The following GBP5 variants were observed in gnomAD, a reference collection of about 807,000 sequenced individuals.
GBP5 encodes the protein guanylate-binding protein 5.
Under a neutral mutation model 58.2 loss-of-function variants are expected in GBP5, and 48 were observed. The ratio of observed to expected loss-of-function variants is 0.83; its 90% CI spans 0.65 to 1.05. GBP5 has a LOEUF of 1.05. Ranked by LOEUF, GBP5 falls within the 50% of genes least tolerant of loss-of-function variation. The pLI, the probability that GBP5 is intolerant of heterozygous loss-of-function variation, is 0.00. For missense variants in GBP5, 714 were observed against 686.8 expected (o/e 1.04, Z -0.44); for synonymous variants, 248 against 251.8 (o/e 0.98, Z 0.14).
At chr1:89,266,623 A>C in intron 6 of GBP5, 35 bp from the exon 7 acceptor site, 1 of 1,560,560 alleles carries the variant, frequency 6.4e-7, no homozygotes, top group Non-Finnish European at 8.7e-7. Context: ...TTTAGCATAG[A>C]CTTTGCACTC....
intron 3 of GBP5, among the ~76,000 whole-genome samples, chr1:89,269,081 T>C (rs1172029274): frequency 6.6e-6 from 1 of 152,120 alleles, no homozygotes; most frequent in African/African-American, 2.4e-5. Flanking sequence ...TGCTAGTTTA[T>C]AATTATGTAT....
At position 89,266,734 on chromosome 1, in the gene GBP5, C is replaced by T. The variant is rs1650236513; in HGVS notation, c.626-146G>A. On this transcript the variant is annotated intron_variant, in intron 6 of 11. Coordinates refer to ENST00000370459, the MANE Select transcript of GBP5 (RefSeq NM_052942.5). ...AGTAAAAAGCAAAATGGTAACTAAT[C>T]AGGGAAAGTAAAAAAGAAAATTTGT... 23 of 829,434 alleles carry T rather than the reference C, an allele frequency of 2.8e-5. No individual in the cohort carries two copies. In the South Asian group the frequency reaches 4.6e-4, roughly 17 times the overall value. 51.4% of individuals were successfully genotyped at this position (829,434 alleles called of 1,614,324 possible). A position where few individuals can be genotyped will look rare whatever the true frequency, so the allele number is the denominator to read the frequency against.
chr1:89,267,255 C>G, intron 5 of GBP5, 102 bp from the exon 6 acceptor site: 2 of 1,069,054 alleles, frequency 1.9e-6, no homozygotes, highest in Non-Finnish European at 2.7e-6. Flanking sequence ...CGAGTCTTAA[C>G]CAAATCATCA....
chr1:89,263,229 T>C (rs569430150), intron 9 of GBP5: 1 of 163,814 alleles, frequency 6.1e-6, no homozygotes, highest in South Asian at 1.6e-4. Flanking sequence ...TTTATTGTCA[T>C]GTGGGGTGAG....
rs755558615 is a variant in GBP5, at chr1:89,266,539, C to T, written c.675G>A (p.Gln225=). Residue 225 remains glutamine (Q), a synonymous_variant, in exon 7 of 12, where the codon CAG becomes CAA. Coordinates refer to ENST00000370459, the MANE Select transcript of GBP5 (RefSeq NM_052942.5). ...QNFNLPRLCI[Q]KFFPKKKCFI... Reference sequence around the variant, plus strand: ...AGCATTTCTTTTTTGGAAAGAACTTCTGTATACACAGACGGGGCAAATTGA... The same window carrying T: ...AGCATTTCTTTTTTGGAAAGAACTTTTGTATACACAGACGGGGCAAATTGA... 1.2e-6 allele frequency: 2 copies of T among 1,613,580 alleles called. No homozygotes were observed. Among genetic ancestry groups the T allele is most frequent in the Non-Finnish European group, 1.7e-6 (2 of 1,179,542 alleles).
Position 89,262,708 on chromosome 1 carries a change from G to A in GBP5, c.1440C>T (p.Leu480=). The change falls in exon 10 of 12, where the codon CTC becomes CTT. Residue 480 remains leucine, a synonymous_variant. Transcript: ENST00000370459. ...SHAILQTDQA[L]TETEKKKKEA... is the part of the protein sequence containing the mutation. ...CTTTCTTCTTTTTTTCCGTCTCTGT[G>A]AGAGCCTGGTCAGTCTGTAATATTG... is the stretch of plus-strand genomic sequence containing the variant. 6.2e-7 allele frequency: 1 copy of A among 1,606,982 alleles called. No individual in the cohort carries two copies. The highest frequency in any genetic ancestry group is 8.5e-7 in the Non-Finnish European group (1 of 1,175,126).
chr1:89,268,970 A>T, intron 3 of GBP5, 114 bp from the exon 4 acceptor site: 1 of 1,042,940 alleles, frequency 9.6e-7, no homozygotes, highest in African/African-American at 1.6e-5. Flanking sequence ...CAGAATGTAC[A>T]ACCAGTATTG....
Position 89,262,801 on chromosome 1 carries a change from A to C in GBP5, c.1363-16T>G. On this transcript the variant is annotated splice_polypyrimidine_tract_variant and intron_variant, in intron 9 of 11. Transcript: ENST00000370459. ...CTTCTTCAGCCTAGCAACCCGGAAA[A>C]CATGCAGTTAGATGCAGGAAATGGT... is the stretch of plus-strand genomic sequence containing the variant. 6.9e-7 allele frequency: 1 copy of C among 1,442,492 alleles called. No individual in the cohort carries two copies. Among genetic ancestry groups the C allele is most frequent in the Non-Finnish European group, 9.5e-7 (1 of 1,057,494 alleles). The allele number at this position is 1,442,492 out of a possible 1,614,324, so 89.4% of individuals were successfully genotyped here.
At position 89,259,280 on chromosome 1, in the gene GBP5, G is replaced by A. The variant is rs771560038; in HGVS notation, c.*1424C>T. 1.3e-5 allele frequency: 2 copies of A among 152,056 alleles called. No homozygotes were observed. Among genetic ancestry groups the A allele is most frequent in the African/African-American group, 4.8e-5 (2 of 41,408 alleles). The allele number at this position is 152,056 out of a possible 1,614,324, so 9.4% of individuals were successfully genotyped here. A position where few individuals can be genotyped will look rare whatever the true frequency, so the allele number is the denominator to read the frequency against. On this transcript the variant is annotated 3_prime_UTR_variant, in exon 12 of 12. Coordinates refer to ENST00000370459, the MANE Select transcript of GBP5 (RefSeq NM_052942.5). ...GGTGAGGGTGAACAGAAAAGAAAAG[G>A]CTTCTTCTTTAGCCCTTAAGCCTAT...
intron 4 of GBP5, among the ~76,000 whole-genome samples, chr1:89,267,938 G>A (rs1650291763): frequency 6.6e-6 from 1 of 152,126 alleles, no homozygotes; most frequent in African/African-American, 2.4e-5. Context: ...CCATTTTGTA[G>A]GTAAGGAAAC....
rs1384658525 is a variant in GBP5, at chr1:89,264,764, G to T, written c.1071C>A (p.Thr357=). Residue 357 remains threonine, a synonymous_variant, in exon 8 of 12, where the codon ACC becomes ACA. Coordinates refer to ENST00000370459, the MANE Select transcript of GBP5 (RefSeq NM_052942.5). ...AGACTTCAATGGCCTCCCTCTCACT[G>T]GTCCTGTGCAGGTCCAGCAGCTCCT... ...TLQELLDLHR[T]SEREAIEVFM... The T allele has an allele frequency of 1.4e-5, 23 of 1,614,012 alleles. No homozygotes were observed. The highest frequency in any genetic ancestry group is 1.7e-5 in the Non-Finnish European group (20 of 1,180,020).
chr1:89,269,237 C>A, intron 3 of GBP5, 129 bp downstream of exon 3: 2 of 873,534 alleles, frequency 2.3e-6, no homozygotes, highest in South Asian at 1.9e-5. Context: ...ATAAAAAGAC[C>A]AGCTGTAGCC....
intron 11 of GBP5, 39 bp downstream of exon 11, chr1:89,262,181 C>A (rs1317833452): frequency 6.3e-7 from 1 of 1,594,766 alleles, no homozygotes; most frequent in Non-Finnish European, 8.6e-7. Context: ...ATACTCTCAT[C>A]GTTACAGGCA....
rs748992424 is a variant in GBP5, at chr1:89,266,349, A to T, written c.865T>A (p.Ser289Thr). 1 of 1,612,106 alleles carries T rather than the reference A, an allele frequency of 6.2e-7. No homozygotes were observed. The highest frequency in any genetic ancestry group is 1.1e-5 in the South Asian group (1 of 90,968). The change falls in exon 7 of 12, where the codon TCT (serine) becomes ACT (threonine). Residue 289 changes from serine (S) to threonine (T), a missense_variant. Coordinates refer to ENST00000370459, the MANE Select transcript of GBP5 (RefSeq NM_052942.5). ...TLPGGIMVNG[S>T]RLKNLVLTYV... ...AAATCCTAAAAATAATACTCACGAG[A>T]TCCATTGACCATGATGCCACCTGGA...
rs751949710 is a variant in GBP5, at chr1:89,266,389, A to G, written c.825T>C (p.Ser275=). The G allele has an allele frequency of 1.9e-6, 3 of 1,613,628 alleles. No homozygotes were observed. The highest frequency in any genetic ancestry group is 2.5e-6 in the Non-Finnish European group (3 of 1,179,484). Residue 275 remains serine, a synonymous_variant, in exon 7 of 12, where the codon TCT becomes TCC. Transcript: ENST00000370459. Reference sequence around the variant, plus strand: ...TGCCACCTGGAAGAGTCTTGGTCATAGAATGGCTAAAGATGTAGGAACAGA... The same window carrying G: ...TGCCACCTGGAAGAGTCTTGGTCATGGAATGGCTAAAGATGTAGGAACAGA... The part of the protein sequence containing the change: ...TEFCSYIFSH[S]MTKTLPGGIM...
chr1:89,267,161 G>C lies in GBP5; in HGVS notation c.429-8C>G. The C allele has an allele frequency of 6.4e-7, 1 of 1,571,802 alleles. No individual in the cohort carries two copies. The highest frequency in any genetic ancestry group is 1.2e-5 in the South Asian group (1 of 84,884). ...GTCAGTTCTGTCACATTGCTGAGAT[G>C]CAATTAAAGAAAACTGGCAGAAATA... On this transcript the variant is annotated splice_region_variant and splice_polypyrimidine_tract_variant and intron_variant, in intron 5 of 11. Transcript: ENST00000370459.
At chr1:89,267,315 C>T in intron 5 of GBP5, 102 bp downstream of exon 5, 1 of 1,008,716 alleles carries the variant, frequency 9.9e-7, no homozygotes, top group South Asian at 1.4e-5. Context: ...CAATGTTTAT[C>T]ACGTTTCCAT....
In GBP5 at chr1:89,259,464, T is replaced by C. The variant is rs1187553202; in HGVS notation, c.*1240A>G. On this transcript the variant is annotated 3_prime_UTR_variant, in exon 12 of 12. Coordinates refer to ENST00000370459, the MANE Select transcript of GBP5 (RefSeq NM_052942.5). ...CCACAGAATAGCAGCCTCCACCCAG[T>C]TGAAAGCTGCACATTGTTTCCACTT... 2.0e-5 allele frequency: 3 copies of C among 152,340 alleles called. No homozygotes were observed. Among genetic ancestry groups the C allele is most frequent in the Admixed American group, 6.5e-5 (1 of 15,306 alleles). The allele number at this position is 152,340 out of a possible 1,614,324, so 9.4% of individuals were successfully genotyped here.
chr1:89,267,606 A>C, intron 4 of GBP5, 80 bp from the exon 5 acceptor site: 1 of 804,542 alleles, frequency 1.2e-6, no homozygotes, highest in Non-Finnish European at 2.2e-6. Flanking sequence ...CTTGTCATAA[A>C]TGTTTAACAA....
Sources: gnomAD v4.1 joint callset for allele counts (sites outside exome capture counted in the v4.1 genomes callset) on GRCh38, gnomAD v4.1.1 for gene constraint, MANE v1.5 for transcripts, NCBI Gene and HGNC (gene_info 2026-07-23, HGNC 2026-07-21) for gene names.